RBPMS: variants seen among roughly 807,000 people sequenced by gnomAD.
The protein encoded by RBPMS is RNA binding protein, mRNA processing factor.
A neutral mutation model predicts 26.8 loss-of-function variants in RBPMS; 7 were observed. The observed-to-expected ratio is 0.26, with a 90% confidence interval of 0.15 to 0.49. The LOEUF is 0.49. Among genes scored for constraint, RBPMS ranks in the 20% least tolerant of loss-of-function variants. The pLI is 0.98. For missense variants in RBPMS, 186 were observed against 250.0 expected (o/e 0.74, Z 1.73); for synonymous variants, 96 against 93.3 (o/e 1.03, Z -0.17).
chr8:30,491,618 G>GT (rs977852238), intron 4 of RBPMS, among the ~76,000 whole-genome samples: 38 of 151,412 alleles, frequency 2.5e-4, no homozygotes, highest in Admixed American at 9.2e-4. Context: ...TTAGGCAACT[G>GT]TTTTTTTTCA....
At chr8:30,441,762 A>AT (rs1813099050) in intron 1 of RBPMS, among the ~76,000 whole-genome samples, 2 of 152,144 alleles carry the variant, frequency 1.3e-5, no homozygotes, top group African/African-American at 2.4e-5. Context: ...TGCCATCAAT[A>AT]TTTTTTATTC....
chr8:30,473,141 C>T (rs1817316560), intron 1 of RBPMS, among the ~76,000 whole-genome samples: 1 of 152,190 alleles, frequency 6.6e-6, no homozygotes, highest in African/African-American at 2.4e-5. Context: ...AATTCCTGAG[C>T]CAGTGGCTTT....
chr8:30,554,715 C>G (rs1387085759), intron 6 of RBPMS, among the ~76,000 whole-genome samples: 1 of 152,130 alleles, frequency 6.6e-6, no homozygotes, highest in Non-Finnish European at 1.5e-5. Flanking sequence ...GCCGTTGGTC[C>G]AGGAACCTGA....
At position 30,385,165 on chromosome 8, in the gene RBPMS, G is replaced by A; in HGVS notation, c.66+7G>A. 8.7e-6 allele frequency: 13 copies of A among 1,495,008 alleles called. No individual in the cohort carries two copies. The highest frequency in any genetic ancestry group is 1.3e-5 in the South Asian group (1 of 77,084). 92.6% of individuals were successfully genotyped at this position (1,495,008 alleles called of 1,614,324 possible). On this transcript the variant is annotated splice_region_variant and intron_variant, in intron 1 of 8. Transcript: ENST00000397323. The stretch of plus-strand genomic sequence containing the variant: ...CAACCTTCAGGAGGAGGAGGTACTG[G>A]GCGGCTCGGTGTGGTGGCGGGGGCG...
At chr8:30,449,249 A>G (rs1450748806) in intron 1 of RBPMS, among the ~76,000 whole-genome samples, 4 of 152,172 alleles carry the variant, frequency 2.6e-5, no homozygotes, top group Admixed American at 6.5e-5. Flanking sequence ...TTTAAGTAGT[A>G]GGAAACTAAC....
chr8:30,474,760 C>G lies in RBPMS; in HGVS notation c.67-19C>G. The G allele has an allele frequency of 4.5e-6, 7 of 1,538,694 alleles. No individual in the cohort carries two copies. The South Asian group carries it at 6.7e-5, about 15-fold the overall frequency. ...GGAGTGTCCACACCCTTGATCACTT[C>G]CTAAATTTATTTTTCCAGGTCCGGA... is the stretch of plus-strand genomic sequence containing the variant. On this transcript the variant is annotated intron_variant, in intron 1 of 8. Coordinates refer to ENST00000397323, the MANE Select transcript of RBPMS (RefSeq NM_001008710.3).
At chr8:30,517,244 C>T (rs1822444456) in intron 5 of RBPMS, among the ~76,000 whole-genome samples, 1 of 130,268 alleles carries the variant, frequency 7.7e-6, no homozygotes, top group South Asian at 2.4e-4. Context: ...GTGTGAAATA[C>T]CATGTAACCA....
intron 6 of RBPMS, chr8:30,552,813 G>A (rs1826504666): frequency 6.6e-6 from 1 of 152,262 alleles, no homozygotes; most frequent in Non-Finnish European, 1.5e-5. Context: ...TCTCCCTGGA[G>A]GCTTTTGTTT....
chr8:30,472,905 A>G (rs1817287662), intron 1 of RBPMS, among the ~76,000 whole-genome samples: 1 of 152,180 alleles, frequency 6.6e-6, no homozygotes, highest in Admixed American at 6.5e-5. Context: ...GTGAAACCCC[A>G]TCTTTACAAA....
chr8:30,540,099 C>T (rs1199020354), intron 5 of RBPMS, among the ~76,000 whole-genome samples: 1 of 152,188 alleles, frequency 6.6e-6, no homozygotes, highest in Admixed American at 6.5e-5. Flanking sequence ...AGGCCCCTCC[C>T]TGCCCCCAGA....
At chr8:30,530,351 C>T (rs970011470) in intron 5 of RBPMS, among the ~76,000 whole-genome samples, 2 of 152,202 alleles carry the variant, frequency 1.3e-5, no homozygotes, top group Non-Finnish European at 2.9e-5. Context: ...AGTTGTGGGA[C>T]GTGGGTCAAG....
chr8:30,500,034 A>G (rs1220972755), intron 4 of RBPMS, among the ~76,000 whole-genome samples: 2 of 152,228 alleles, frequency 1.3e-5, no homozygotes, highest in Non-Finnish European at 2.9e-5. Flanking sequence ...AAAAGTAACT[A>G]GTTTTTAAAA....
At chr8:30,541,609 C>G (rs1357904520) in intron 5 of RBPMS, among the ~76,000 whole-genome samples, 6 of 152,084 alleles carry the variant, frequency 3.9e-5, no homozygotes, top group Admixed American at 1.3e-4. Context: ...TCTGGGTGGT[C>G]AAGAGCCTCT....
At chr8:30,450,400 A>G (rs1814423636) in intron 1 of RBPMS, among the ~76,000 whole-genome samples, 1 of 152,128 alleles carries the variant, frequency 6.6e-6, no homozygotes, top group Non-Finnish European at 1.5e-5. Context: ...GAAACACTGG[A>G]TGGTTTCAGC....
intron 1 of RBPMS, among the ~76,000 whole-genome samples, chr8:30,449,937 A>G (rs1814350335): frequency 6.6e-6 from 1 of 152,262 alleles, no homozygotes; most frequent in Non-Finnish European, 1.5e-5. Flanking sequence ...CAAAAATTAC[A>G]ATTTACTTTT....
intron 6 of RBPMS, among the ~76,000 whole-genome samples, chr8:30,555,374 C>G (rs967898270): frequency 6.6e-6 from 1 of 152,172 alleles, no homozygotes; most frequent in Non-Finnish European, 1.5e-5. Context: ...GGAGAAGATT[C>G]CCAGGGTCGT....
At chr8:30,512,426 A>G (rs540615831) in intron 5 of RBPMS, among the ~76,000 whole-genome samples, 46 of 152,212 alleles carry the variant, frequency 3.0e-4, no homozygotes, top group African/African-American at 1.0e-3. Context: ...ACCCCTTTCC[A>G]TCCAGGACTA....
intron 1 of RBPMS, chr8:30,446,842 T>A (rs75799319): frequency 1.5e-5 from 1 of 65,578 alleles, no homozygotes; most frequent in Admixed American, 1.4e-4. Context: ...TGTGTGTGTG[T>A]GCGCGCGCGC....
At chr8:30,496,407 A>G (rs1256484351) in intron 4 of RBPMS, among the ~76,000 whole-genome samples, 1 of 152,064 alleles carries the variant, frequency 6.6e-6, no homozygotes, top group East Asian at 1.9e-4. Context: ...CAACCTCGTG[A>G]TCTGCCCTCC....
Sources: allele counts gnomAD v4.1 joint callset (sites outside exome capture counted in the v4.1 genomes callset), GRCh38; gene constraint gnomAD v4.1.1; transcripts MANE v1.5; gene names NCBI Gene and HGNC (gene_info 2026-07-23, HGNC 2026-07-21).